The following NHSL1 variants were observed in gnomAD, a reference collection of about 807,000 sequenced individuals.
NHSL1 encodes NHS-like protein 1.
A neutral mutation model predicts 95.0 loss-of-function variants in NHSL1; 48 were observed. That is an observed-to-expected ratio of 0.51 (90% CI 0.40 to 0.64). NHSL1 has a LOEUF of 0.64. Ranked by LOEUF, NHSL1 falls within the 30% of genes least tolerant of loss-of-function variation. The pLI is 0.00. For synonymous variants in NHSL1, 783 were observed against 833.9 expected, an observed-to-expected ratio of 0.94 and a Z score of 1.05; for missense variants, 1,971 against 2,077.7, an observed-to-expected ratio of 0.95 and a Z score of 1.00.
At chr6:138,572,162 G>A in exon 1 of NHSL1, 2 of 428,714 alleles carry the variant, frequency 4.7e-6, no homozygotes, top group East Asian at 3.9e-5. Context: ...CTAGATCCGC[G>A]ATATCCACGG....
At chr6:138,632,997 C>T (rs1023988490) in intron 1 of NHSL1, among the ~76,000 whole-genome samples, 1 of 151,872 alleles carries the variant, frequency 6.6e-6, no homozygotes, top group Non-Finnish European at 1.5e-5. Context: ...TCAAATTTAA[C>T]AAAGAGATTG....
At chr6:138,656,575 C>G (rs1024067735) in intron 1 of NHSL1, among the ~76,000 whole-genome samples, 2 of 152,070 alleles carry the variant, frequency 1.3e-5, no homozygotes, top group Non-Finnish European at 2.9e-5. Flanking sequence ...CAGATTCAAG[C>G]GATAATACAT....
Position 138,430,562 on chromosome 6 carries a change from C to T in NHSL1, c.3783G>A (p.Ser1261=), listed in dbSNP as rs899838569. ...AGSHATHPGT[S]VLEGGAAGSM... is the part of the protein sequence containing the mutation. ...ATCCTGCAGCTCCTCCCTCAAGAAC[C>T]GAGGTGCCAGGGTGCGTGGCATGAG... is the stretch of plus-strand genomic sequence containing the variant. Residue 1261 remains serine (S), a synonymous_variant, in exon 6 of 8, where the codon TCG becomes TCA. Transcript: ENST00000343505. This position sits in a 1 kb window ranked among gnomAD's most constrained non-coding sequence, Gnocchi z 4.7. The T allele has an allele frequency of 7.1e-6, 11 of 1,550,796 alleles. No homozygotes were observed. The highest frequency in any genetic ancestry group is 3.3e-4 in the Middle Eastern group (2 of 5,988).
intron 1 of NHSL1, among the ~76,000 whole-genome samples, chr6:138,552,607 A>T (rs1299925907): frequency 6.6e-6 from 1 of 151,892 alleles, no homozygotes; most frequent in Non-Finnish European, 1.5e-5. Flanking sequence ...CTAACACTCA[A>T]AGTGTTAGAT....
intron 1 of NHSL1, among the ~76,000 whole-genome samples, chr6:138,641,963 A>ATAAAT (rs1382109408): frequency 6.6e-6 from 1 of 152,198 alleles, no homozygotes; most frequent in African/African-American, 2.4e-5. Context: ...ATTTCAGACT[A>ATAAAT]TAAAAAGAAA....
At chr6:138,456,873 TTC>T (rs897578837) in intron 3 of NHSL1, among the ~76,000 whole-genome samples, 6 of 151,024 alleles carry the variant, frequency 4.0e-5, no homozygotes, top group Admixed American at 2.6e-4. Context: ...TTTCTGGAAT[TTC>T]TTTCTTTCTT....
intron 1 of NHSL1, among the ~76,000 whole-genome samples, chr6:138,620,406 T>C (rs1029574175): frequency 2.0e-5 from 3 of 152,214 alleles, no homozygotes; most frequent in Non-Finnish European, 4.4e-5. Context: ...CAATTATTTA[T>C]AACATTAGTT....
chr6:138,655,925 G>C lies in NHSL1; in HGVS notation c.96+36551C>G, dbSNP rs141362179. 1.8e-3 allele frequency among the ~76,000 whole-genome samples: 271 copies of C among 152,246 alleles called. 1 individual carries two copies. The highest frequency in any genetic ancestry group is 3.4e-3 in the Non-Finnish European group (234 of 68,012). ...ACCCCCACCAAGGCAGCTGGAAGTT[G>C]ACATACACAGTTCCGATGTGATGAA... On this transcript the variant is annotated intron_variant, in intron 1 of 3. Coordinates refer to the NHSL1 transcript ENST00000491526.
chr6:138,431,654 G>A lies in NHSL1; in HGVS notation c.2691C>T (p.Ser897=). 6.4e-7 allele frequency: 1 copy of A among 1,551,620 alleles called. No homozygotes were observed. Among genetic ancestry groups the A allele is most frequent in the Non-Finnish European group, 8.7e-7 (1 of 1,146,880 alleles). Residue 897 remains serine (S), a synonymous_variant, in exon 6 of 8, where the codon TCC becomes TCT. Coordinates refer to ENST00000343505, the MANE Select transcript of NHSL1 (RefSeq NM_001144060.2). The surrounding 1 kb of genome is among the most constrained non-coding windows in gnomAD (Gnocchi z 4.0). ...ERKSSLISSV[S]ISSSSTSLSS... is the part of the protein sequence containing the mutation. ...AAAGAGAAGTGGACGATGAGGAAAT[G>A]GATACTGAAGATATCAGAGAGGACT...
At chr6:138,436,293 A>G (rs555471833) in intron 5 of NHSL1, among the ~76,000 whole-genome samples, 2 of 152,368 alleles carry the variant, frequency 1.3e-5, no homozygotes, top group South Asian at 4.1e-4. Flanking sequence ...GAAGGAAATG[A>G]AAAGTGCTAC....
intron 1 of NHSL1, among the ~76,000 whole-genome samples, chr6:138,563,841 G>A (rs891816593): frequency 1.3e-5 from 2 of 152,176 alleles, no homozygotes; most frequent in African/African-American, 4.8e-5. Flanking sequence ...GAAGTTACAC[G>A]TGACTCATGT....
chr6:138,610,189 G>A (rs9495151), intron 1 of NHSL1, among the ~76,000 whole-genome samples: 64,693 of 152,006 alleles, frequency 0.43, 15,867 homozygotes, highest in African/African-American at 0.68. Flanking sequence ...TTTGGAGGCA[G>A]TATGTTAGGC....
chr6:138,429,876 C>G (rs547292032), intron 6 of NHSL1, 33 bp from the exon 7 acceptor site: 2 of 1,533,634 alleles, frequency 1.3e-6, no homozygotes, highest in African/African-American at 2.8e-5. Flanking sequence ...ACAAGACGCA[C>G]AAGTGACTGG....
At chr6:138,596,897 G>C (rs941593168) in intron 1 of NHSL1, among the ~76,000 whole-genome samples, 11 of 152,084 alleles carry the variant, frequency 7.2e-5, no homozygotes, top group African/African-American at 2.7e-4. Flanking sequence ...CTCTCAAGCA[G>C]AGTTTGAAGT....
chr6:138,469,909 G>A (rs1326199974), intron 3 of NHSL1, among the ~76,000 whole-genome samples: 1 of 152,126 alleles, frequency 6.6e-6, no homozygotes, highest in African/African-American at 2.4e-5. Flanking sequence ...TCAAGAAATG[G>A]TTAATACAAC....
chr6:138,474,683 G>A (rs1778959032), intron 2 of NHSL1, among the ~76,000 whole-genome samples: 1 of 152,086 alleles, frequency 6.6e-6, no homozygotes, highest in Non-Finnish European at 1.5e-5. Context: ...GTCTGGGCTG[G>A]CAACTACTTG....
At chr6:138,491,969 A>T (rs950253042) in intron 2 of NHSL1, among the ~76,000 whole-genome samples, 1 of 152,186 alleles carries the variant, frequency 6.6e-6, no homozygotes, top group African/African-American at 2.4e-5. Context: ...CAACCTGTAC[A>T]TGTTTGTATC....
chr6:138,613,139 G>A (rs1784536234), intron 1 of NHSL1, among the ~76,000 whole-genome samples: 1 of 152,184 alleles, frequency 6.6e-6, no homozygotes, highest in Non-Finnish European at 1.5e-5. Context: ...GCTGCCTCAA[G>A]GTTGGCTGGT....
intron 1 of NHSL1, among the ~76,000 whole-genome samples, chr6:138,594,637 C>T (rs1026030935): frequency 1.3e-5 from 2 of 151,886 alleles, no homozygotes; most frequent in Admixed American, 1.3e-4. Context: ...GAGCTGAAAA[C>T]CACTCTTCTG....
Sources: allele counts gnomAD v4.1 joint callset (sites outside exome capture counted in the v4.1 genomes callset), GRCh38; gene constraint gnomAD v4.1.1; non-coding constraint Gnocchi (gnomAD v3.1); transcripts MANE v1.5; gene names NCBI Gene and HGNC (gene_info 2026-07-23, HGNC 2026-07-21).